Variants in CHD1L observed in about 807,000 individuals in gnomAD.
The protein encoded by CHD1L is chromodomain helicase DNA binding protein 1 like.
CHD1L carries 118 observed loss-of-function variants against 115.9 expected under a neutral mutation model. The ratio of observed to expected loss-of-function variants is 1.02; its 90% CI spans 0.88 to 1.19. The LOEUF is 1.19. Among genes scored for constraint, CHD1L ranks in the 50% most tolerant of loss-of-function variants. CHD1L has a pLI of 0.00. For synonymous variants in CHD1L, 411 were observed against 387.1 expected (o/e 1.06, Z -0.72); for missense variants, 1,179 against 1,065.3 (o/e 1.11, Z -1.49).
the CHD1L span, among the ~76,000 whole-genome samples, chr1:147,206,159 T>A: frequency 6.7e-6 from 1 of 150,354 alleles, no homozygotes; most frequent in Non-Finnish European, 1.5e-5. Context: ...AACAGACACA[T>A]GAAAAAATGC....
In CHD1L at chr1:147,285,455, G is replaced by A. The variant is rs142236750; in HGVS notation, c.1986G>A (p.Lys662=). The A allele has an allele frequency of 5.2e-3, 8,456 of 1,613,148 alleles. 49 individuals are homozygous for A. Among genetic ancestry groups the A allele is most frequent in the South Asian group, 0.013 (1,217 of 90,924 alleles). Residue 662 remains lysine, a synonymous_variant, in exon 17 of 23, where the codon AAG becomes AAA. Transcript: ENST00000369258. ...GAAGGAGACTCATAGAGGAGAAGAAGAGGCAAAAGGAAGAGGCTGAACATA... is the reference window on the plus strand; with the variant it reads ...GAAGGAGACTCATAGAGGAGAAGAAAAGGCAAAAGGAAGAGGCTGAACATA... ...AKRRRLIEEK[K]RQKEEAEHKK...
chr1:147,288,737 G>A (rs1444135306), intron 19 of CHD1L, among the ~76,000 whole-genome samples: 1 of 152,084 alleles, frequency 6.6e-6, no homozygotes, highest in African/African-American at 2.4e-5. Context: ...ACAAGAACTC[G>A]GGTTTGGTGC....
the CHD1L span, chr1:147,224,805 C>T: frequency 3.0e-6 from 4 of 1,347,954 alleles, no homozygotes; most frequent in Non-Finnish European, 4.2e-6. Context: ...CCAACCGCGC[C>T]CGGCCACCTG....
chr1:147,197,036 G>T, the CHD1L span, among the ~76,000 whole-genome samples: 1 of 152,236 alleles, frequency 6.6e-6, no homozygotes, highest in South Asian at 2.1e-4. Flanking sequence ...TCCTCTTCCA[G>T]TTAAAATCCT....
the CHD1L span, chr1:147,213,509 C>T: frequency 2.6e-6 from 4 of 1,538,416 alleles, no homozygotes; most frequent in Non-Finnish European, 3.5e-6. Context: ...ACATCCCTGA[C>T]ATGACTCTCC....
chr1:147,270,834 T>G (rs890977871), intron 10 of CHD1L, 98 bp from the exon 11 acceptor site: 3 of 958,294 alleles, frequency 3.1e-6, no homozygotes, highest in Non-Finnish European at 1.7e-6. Context: ...CTTTGGTATT[T>G]ATTTATAAAC....
chr1:147,286,239 G>A, intron 17 of CHD1L, 59 bp from the exon 18 acceptor site: 6 of 1,534,852 alleles, frequency 3.9e-6, no homozygotes, highest in South Asian at 3.5e-5. Context: ...TATAAAATGT[G>A]CTCCAAGGGA....
chr1:147,200,532 T>C, the CHD1L span, among the ~76,000 whole-genome samples: 3 of 152,138 alleles, frequency 2.0e-5, no homozygotes, highest in Admixed American at 2.0e-4. Flanking sequence ...TTAATGATGC[T>C]AGATTTAATT....
intron 15 of CHD1L, among the ~76,000 whole-genome samples, chr1:147,281,714 G>A (rs1449800574): frequency 6.6e-6 from 1 of 151,742 alleles, no homozygotes; most frequent in Non-Finnish European, 1.5e-5. Flanking sequence ...TTCTTAATAT[G>A]TATTCCAGGG....
chr1:147,187,120 A>G, the CHD1L span: 353 of 1,614,144 alleles, frequency 2.2e-4, no homozygotes, highest in Non-Finnish European at 2.8e-4. Context: ...TAATAAGTGT[A>G]ATGCCAGCTT....
the CHD1L span, chr1:147,216,003 C>T: frequency 3.1e-6 from 4 of 1,296,954 alleles, no homozygotes; most frequent in Non-Finnish European, 3.2e-6. Flanking sequence ...TTATAATAGC[C>T]AATAGACATC....
At chr1:147,186,564 A>G in the CHD1L span, 10 of 1,023,428 alleles carry the variant, frequency 9.8e-6, no homozygotes, top group Non-Finnish European at 1.2e-5. Context: ...TACTCTCCCT[A>G]CCATAAAATT....
At chr1:147,178,865 A>G in the CHD1L span, 16 of 1,581,102 alleles carry the variant, frequency 1.0e-5, no homozygotes, top group Non-Finnish European at 1.4e-5. Context: ...ACAGAAGACA[A>G]TAAAGATTTG....
At chr1:147,191,132 C>A in the CHD1L span, among the ~76,000 whole-genome samples, 2 of 152,024 alleles carry the variant, frequency 1.3e-5, no homozygotes, top group Non-Finnish European at 2.9e-5. Context: ...TGAATAGTGC[C>A]GCAATAAACA....
the CHD1L span, chr1:147,224,817 C>A: frequency 6.9e-7 from 1 of 1,448,208 alleles, no homozygotes; most frequent in Admixed American, 1.7e-5. Flanking sequence ...GGCCACCTGA[C>A]ACTGTTAAGA....
chr1:147,285,568 T>C, intron 17 of CHD1L, 81 bp downstream of exon 17: 1 of 1,390,844 alleles, frequency 7.2e-7, no homozygotes, highest in Non-Finnish European at 9.6e-7. Context: ...AATATCACTT[T>C]AAAAATACAG....
intron 2 of CHD1L, among the ~76,000 whole-genome samples, chr1:147,254,492 A>G (rs1418259970): frequency 6.6e-6 from 1 of 152,212 alleles, no homozygotes. Context: ...CCGTTTTTAC[A>G]GTCATATCTT....
chr1:147,245,766 G>A (rs1477268954), intron 1 of CHD1L, among the ~76,000 whole-genome samples: 2 of 149,948 alleles, frequency 1.3e-5, no homozygotes, highest in Non-Finnish European at 3.0e-5. Flanking sequence ...TTGCAGCCTC[G>A]ACCTGGGCTT....
At chr1:147,268,939 G>T in intron 10 of CHD1L, 61 bp downstream of exon 10, 1 of 1,311,020 alleles carries the variant, frequency 7.6e-7, no homozygotes. Context: ...TGACTATTGA[G>T]GAACTCACTG....
Sources: allele counts gnomAD v4.1 joint callset (sites outside exome capture counted in the v4.1 genomes callset), GRCh38; gene constraint gnomAD v4.1.1; transcripts MANE v1.5; gene names NCBI Gene and HGNC (gene_info 2026-07-23, HGNC 2026-07-21).